Variants in FAAH2 observed in about 807,000 individuals in gnomAD.
FAAH2 encodes the protein fatty acid amide hydrolase 2.
FAAH2 carries 60 observed loss-of-function variants against 36.9 expected under a neutral mutation model. The observed-to-expected ratio is 1.63, with a 90% confidence interval of 1.32 to 2.02. FAAH2 has a LOEUF of 2.02. FAAH2 is among the 30% of genes most tolerant of loss of function. The pLI is 0.00. For synonymous variants in FAAH2, 214 were observed against 143.8 expected, an observed-to-expected ratio of 1.49 and a Z score of -3.49; for missense variants, 689 against 397.5, an observed-to-expected ratio of 1.73 and a Z score of -6.23.
At chrX:57,214,490 G>C in the FAAH2 span, among the ~76,000 whole-genome samples, 1 of 110,943 alleles carries the variant, frequency 9.0e-6, no homozygotes, top group African/African-American at 3.3e-5. Context: ...GCAATGGTGC[G>C]ATCTCAGCTC....
intron 8 of FAAH2, among the ~76,000 whole-genome samples, chrX:57,433,213 A>G (rs1267004141): frequency 9.0e-6 from 1 of 111,474 alleles, no homozygotes; most frequent in Non-Finnish European, 1.9e-5. Flanking sequence ...CTGTTAACAT[A>G]CATGCTGACT....
chrX:57,428,435 A>G (rs5960977), intron 7 of FAAH2, among the ~76,000 whole-genome samples: 41,389 of 110,705 alleles, frequency 0.37, 6,497 homozygotes, highest in Middle Eastern at 0.63. Context: ...CATAGCCAAA[A>G]CAATCCTATG....
At chrX:57,195,462 T>C in the FAAH2 span, among the ~76,000 whole-genome samples, 3 of 111,946 alleles carry the variant, frequency 2.7e-5, no homozygotes, top group Non-Finnish European at 5.6e-5. Flanking sequence ...TTATTTGTTT[T>C]ATTCTTGCTG....
Position 57,378,650 on chromosome X carries a change from G to A in FAAH2, c.743-1G>A, listed in dbSNP as rs1569303227. 2 of 1,211,041 alleles carry A rather than the reference G, an allele frequency of 1.7e-6. No homozygotes were observed. The highest frequency in any genetic ancestry group is 3.5e-5 in the South Asian group (2 of 56,955). On this transcript the variant is annotated splice_acceptor_variant, in intron 5 of 10. Transcript: ENST00000374900. LOFTEE classifies it high-confidence loss of function. ...GCTAACCTGACTGTCTATCCTTTCA[G>A]GTGTGGTTCCCAACAAAGGTCAGTT... is the stretch of plus-strand genomic sequence containing the variant.
At chrX:57,214,490 G>A in the FAAH2 span, among the ~76,000 whole-genome samples, 3 of 110,943 alleles carry the variant, frequency 2.7e-5, no homozygotes, top group African/African-American at 6.6e-5. Context: ...GCAATGGTGC[G>A]ATCTCAGCTC....
At chrX:57,135,243 C>G in the FAAH2 span, 1 of 122,858 alleles carries the variant, frequency 8.1e-6, no homozygotes, top group Non-Finnish European at 1.7e-5. Context: ...CTCCACCTTA[C>G]TCTGGACCCT....
intron 4 of FAAH2, among the ~76,000 whole-genome samples, chrX:57,332,801 T>A (rs190479508): frequency 2.8e-3 from 310 of 111,929 alleles, no homozygotes; most frequent in African/African-American, 9.4e-3. Context: ...CATTTTGAAA[T>A]TCTGCTTCCA....
the FAAH2 span, among the ~76,000 whole-genome samples, chrX:57,125,121 G>T: frequency 8.9e-6 from 1 of 112,597 alleles, no homozygotes; most frequent in South Asian, 3.7e-4. Flanking sequence ...TGCCCATTCA[G>T]TATGATATTG....
intron 10 of FAAH2, among the ~76,000 whole-genome samples, chrX:57,469,813 A>G (rs961377428): frequency 1.8e-5 from 2 of 111,529 alleles, no homozygotes; most frequent in African/African-American, 6.5e-5. Context: ...GCAGCACCAC[A>G]CCTCACCTAT....
intron 7 of FAAH2, among the ~76,000 whole-genome samples, chrX:57,399,459 T>C (rs916743479): frequency 6.2e-5 from 7 of 112,115 alleles, no homozygotes; most frequent in Admixed American, 2.8e-4. Flanking sequence ...CCTTGTGAGG[T>C]TCCCCATTCT....
At chrX:57,235,258 T>A in the FAAH2 span, among the ~76,000 whole-genome samples, 7 of 111,419 alleles carry the variant, frequency 6.3e-5, no homozygotes, top group Admixed American at 3.8e-4. Context: ...TTGGGGCCAG[T>A]GTTTGTTCAG....
intron 5 of FAAH2, among the ~76,000 whole-genome samples, chrX:57,364,977 G>GT (rs2054378400): frequency 9.0e-6 from 1 of 111,648 alleles, no homozygotes. Flanking sequence ...GGAGCATATG[G>GT]TTGAGCTTAG....
intron 10 of FAAH2, among the ~76,000 whole-genome samples, chrX:57,485,563 C>T (rs887686865): frequency 8.9e-6 from 1 of 112,083 alleles, no homozygotes; most frequent in Non-Finnish European, 1.9e-5. Context: ...GATGGCATAA[C>T]TTCTGTTACT....
At position 57,413,954 on chromosome X, in the gene FAAH2, T is replaced by G. The variant is rs187401968; in HGVS notation, c.997-17964T>G. Reference sequence around the variant, plus strand: ...CCTTGTAAGTTGTATTTGTAGGTATTTTATTCTCTTTGTACAAATTGTGAA... The same window carrying G: ...CCTTGTAAGTTGTATTTGTAGGTATGTTATTCTCTTTGTACAAATTGTGAA... On this transcript the variant is annotated intron_variant, in intron 7 of 10. Transcript: ENST00000374900. Among the ~76,000 whole-genome samples the G allele has an allele frequency of 5.1e-4, 57 of 111,997 alleles. 1 individual carries two copies. Among genetic ancestry groups the G allele is most frequent in the African/African-American group, 1.8e-3 (56 of 30,852 alleles).
chrX:57,402,732 T>C (rs1397007874), intron 7 of FAAH2, among the ~76,000 whole-genome samples: 1 of 112,073 alleles, frequency 8.9e-6, no homozygotes, highest in Non-Finnish European at 1.9e-5. Context: ...GGCTTCTTCC[T>C]AGTTTTCCTT....
chrX:57,322,891 G>C (rs2053076172), intron 3 of FAAH2, among the ~76,000 whole-genome samples: 1 of 108,926 alleles, frequency 9.2e-6, no homozygotes, highest in African/African-American at 3.4e-5. Flanking sequence ...ATGCAGGTTT[G>C]TTACCTGTGT....
At chrX:57,418,893 GAC>G (rs2055924113) in intron 7 of FAAH2, among the ~76,000 whole-genome samples, 1 of 64,265 alleles carries the variant, frequency 1.6e-5, no homozygotes, top group South Asian at 1.3e-3. Flanking sequence ...ACAGTCCCCA[GAC>G]TGTGATGTTC....
chrX:57,379,450 G>A (rs1041556941), intron 6 of FAAH2, among the ~76,000 whole-genome samples: 1 of 109,521 alleles, frequency 9.1e-6, no homozygotes, highest in Admixed American at 9.9e-5. Flanking sequence ...TTGATCTTAT[G>A]TTCTCTTATT....
At chrX:57,300,599 A>G (rs1456201704) in intron 2 of FAAH2, among the ~76,000 whole-genome samples, 4 of 111,982 alleles carry the variant, frequency 3.6e-5, no homozygotes, top group South Asian at 3.7e-4. Context: ...AAAAGCCAAA[A>G]TTGACAAATG....
Sources: gnomAD v4.1 joint callset for allele counts (sites outside exome capture counted in the v4.1 genomes callset) on GRCh38, gnomAD v4.1.1 for gene constraint, MANE v1.5 for transcripts, NCBI Gene and HGNC (gene_info 2026-07-23, HGNC 2026-07-21) for gene names.